Variants in TCP11L2 observed in about 807,000 individuals in gnomAD.
The protein encoded by TCP11L2 is t-complex 11 like 2.
Under a neutral mutation model 50.7 loss-of-function variants are expected in TCP11L2, and 39 were observed. The ratio of observed to expected loss-of-function variants is 0.77; its 90% CI spans 0.60 to 1.01. TCP11L2 has a LOEUF of 1.01. TCP11L2 is among the 50% of genes least tolerant of loss of function. TCP11L2 has a pLI of 0.00. For synonymous variants in TCP11L2, 192 were observed against 219.3 expected (o/e 0.88, Z 1.10); for missense variants, 612 against 614.7 (o/e 1.00, Z 0.05).
chr12:106,312,551 T>C (rs2034902995), intron 2 of TCP11L2: 1 of 440,216 alleles, frequency 2.3e-6, no homozygotes, highest in Non-Finnish European at 3.1e-6. Context: ...CTTTCTCTTC[T>C]TCCTCCTCTT....
chr12:106,300,378 GGAGTA>G (rs555432295), upstream of TCP11L2, among the ~76,000 whole-genome samples: 157 of 152,280 alleles, frequency 1.0e-3, no homozygotes, highest in African/African-American at 3.6e-3. Context: ...CGCCCAGGCC[GGAGTA>G]AAGTGGCGTG....
rs1406771109 is a variant in TCP11L2, at chr12:106,346,605, G to C, written c.*75G>C. The C allele has an allele frequency of 2.0e-6, 3 of 1,534,454 alleles. No homozygotes were observed. The highest frequency in any genetic ancestry group is 2.6e-6 in the Non-Finnish European group (3 of 1,144,406). On this transcript the variant is annotated 3_prime_UTR_variant, in exon 10 of 10. Coordinates refer to ENST00000299045, the MANE Select transcript of TCP11L2 (RefSeq NM_152772.3). ...CAGTCCACTTCCATTGATGGCATTA[G>C]AGATCCAGCACATTCTCAGTACTGT... is the stretch of plus-strand genomic sequence containing the variant.
In TCP11L2 at chr12:106,321,554, A is replaced by G. The variant is rs142176314; in HGVS notation, c.483A>G (p.Thr161=). The change falls in exon 5 of 10, where the codon ACA becomes ACG. Residue 161 remains threonine, a synonymous_variant. Transcript: ENST00000299045. ...LRNQICEVLD[T]DLIRQQAEHS... is the part of the protein sequence containing the mutation. ...ACCAAATCTGTGAAGTTTTGGACAC[A>G]GACCTCATTAGGCAGCAGGCTGAGC... 261 of 1,614,116 alleles carry G rather than the reference A, an allele frequency of 1.6e-4. 3 individuals are homozygous for G. In the Middle Eastern group the frequency reaches 5.3e-3, roughly 33 times the overall value.
rs751984288 is a variant in TCP11L2, at chr12:106,302,738, T to C, written c.-239T>C. On this transcript the variant is annotated 5_prime_UTR_variant, in exon 1 of 10. Transcript: ENST00000299045. ...CCGTCGTCCCCCCGCTATCCGGTTT[T>C]GTGATGGCCGCGCCGTGGCTGCCTC... 1.3e-5 allele frequency: 2 copies of C among 152,458 alleles called. No homozygotes were observed. Among genetic ancestry groups the C allele is most frequent in the Admixed American group, 6.5e-5 (1 of 15,282 alleles). 9.4% of individuals were successfully genotyped at this position (152,458 alleles called of 1,614,324 possible). A position where few individuals can be genotyped will look rare whatever the true frequency, so the allele number is the denominator to read the frequency against.
intron 8 of TCP11L2, among the ~76,000 whole-genome samples, chr12:106,337,292 T>G (rs1378030064): frequency 6.6e-6 from 1 of 152,206 alleles, no homozygotes; most frequent in African/African-American, 2.4e-5. Context: ...AAGGAGCCCA[T>G]GTAGTTACAG....
intron 6 of TCP11L2, among the ~76,000 whole-genome samples, chr12:106,334,098 C>T (rs2035832364): frequency 6.6e-6 from 1 of 152,074 alleles, no homozygotes; most frequent in Non-Finnish European, 1.5e-5. Flanking sequence ...GGAACATCTT[C>T]CTGTAATTGA....
chr12:106,336,930 C>G (rs531627382), intron 8 of TCP11L2, among the ~76,000 whole-genome samples: 116 of 152,322 alleles, frequency 7.6e-4, no homozygotes, highest in African/African-American at 2.7e-3. Flanking sequence ...GAAGTGCTGA[C>G]AATTCTGCCC....
intron 4 of TCP11L2, among the ~76,000 whole-genome samples, chr12:106,319,207 A>T (rs540098970): frequency 1.3e-4 from 20 of 152,286 alleles, no homozygotes; most frequent in African/African-American, 3.6e-4. Context: ...CACCGCGCCC[A>T]GCCTAGGGTC....
intron 5 of TCP11L2, among the ~76,000 whole-genome samples, chr12:106,322,820 C>T (rs749582214): frequency 6.6e-6 from 1 of 152,158 alleles, no homozygotes; most frequent in Non-Finnish European, 1.5e-5. Flanking sequence ...GAGTCGTGCT[C>T]GGCTCTGGCA....
chr12:106,305,047 G>A (rs906177154), intron 1 of TCP11L2, among the ~76,000 whole-genome samples: 18 of 152,278 alleles, frequency 1.2e-4, no homozygotes, highest in African/African-American at 3.4e-4. Flanking sequence ...GAAAGAATGA[G>A]CAGCACACCA....
chr12:106,298,683 A>G (rs374349008), upstream of TCP11L2, among the ~76,000 whole-genome samples: 247 of 151,290 alleles, frequency 1.6e-3, 5 homozygotes, highest in East Asian at 0.018. Context: ...CACCACGCCC[A>G]ACTAATTTTT....
chr12:106,305,156 C>T (rs2034577374), intron 1 of TCP11L2, among the ~76,000 whole-genome samples: 1 of 152,086 alleles, frequency 6.6e-6, no homozygotes, highest in Admixed American at 6.6e-5. Context: ...AACCCTTGGG[C>T]AAGTAACGCA....
intron 2 of TCP11L2, among the ~76,000 whole-genome samples, chr12:106,313,556 G>A (rs36139467): frequency 0.41 from 62,065 of 150,582 alleles, 13,197 homozygotes; most frequent in African/African-American, 0.52. Flanking sequence ...CTCCAGCCTG[G>A]CAACAGAGTG....
chr12:106,338,845 A>G (rs967838473), intron 8 of TCP11L2, among the ~76,000 whole-genome samples: 3 of 152,186 alleles, frequency 2.0e-5, no homozygotes, highest in Admixed American at 6.5e-5. Context: ...TGACTTTTTA[A>G]TAATAGCCAT....
At chr12:106,331,906 T>G (rs141150861) in intron 6 of TCP11L2, among the ~76,000 whole-genome samples, 203 of 152,358 alleles carry the variant, frequency 1.3e-3, no homozygotes, top group African/African-American at 3.7e-3. Flanking sequence ...TCAAGCTGCT[T>G]CTTCATTCTC....
intron 6 of TCP11L2, chr12:106,329,873 A>T: frequency 1.0e-6 from 1 of 985,840 alleles, no homozygotes; most frequent in Non-Finnish European, 1.2e-6. Flanking sequence ...AACCAAAAAC[A>T]ACATTTGCCA....
intron 6 of TCP11L2, among the ~76,000 whole-genome samples, chr12:106,326,231 C>T (rs1334078391): frequency 2.0e-5 from 3 of 152,056 alleles, no homozygotes; most frequent in Non-Finnish European, 4.4e-5. Context: ...TTAAAGGGGC[C>T]CTGGCAGGCA....
At chr12:106,336,531 T>G (rs2035926307) in intron 8 of TCP11L2, among the ~76,000 whole-genome samples, 2 of 150,508 alleles carry the variant, frequency 1.3e-5, no homozygotes, top group African/African-American at 4.9e-5. Flanking sequence ...CCAAGCTTGA[T>G]GTTTAGAATT....
At chr12:106,345,607 A>G (rs1182479722) in intron 9 of TCP11L2, among the ~76,000 whole-genome samples, 1 of 152,120 alleles carries the variant, frequency 6.6e-6, no homozygotes, top group African/African-American at 2.4e-5. Flanking sequence ...ATGAACATTT[A>G]GGATTAACTT....
Sources: gnomAD v4.1 joint callset for allele counts (sites outside exome capture counted in the v4.1 genomes callset) on GRCh38, gnomAD v4.1.1 for gene constraint, MANE v1.5 for transcripts, NCBI Gene and HGNC (gene_info 2026-07-23, HGNC 2026-07-21) for gene names.